The following YJU2B variants were observed in gnomAD, a reference collection of about 807,000 sequenced individuals.
The protein encoded by YJU2B is YJU2 splicing factor homolog B, also known as probable splicing factor YJU2B.
Under a neutral mutation model 38.0 loss-of-function variants are expected in YJU2B, and 18 were observed. The ratio of observed to expected loss-of-function variants is 0.47; its 90% CI spans 0.33 to 0.70. The LOEUF (loss-of-function observed/expected upper bound fraction) is 0.70, where lower values mean the gene tolerates loss of function less well. Among genes scored for constraint, YJU2B ranks in the 30% least tolerant of loss-of-function variants. The pLI, the probability that YJU2B is intolerant of heterozygous loss-of-function variation, is 0.02. For missense variants in YJU2B, 538 were observed against 556.3 expected (o/e 0.97, Z 0.33); for synonymous variants, 246 against 225.4 (o/e 1.09, Z -0.82).
At chr19:13,737,292 C>T (rs1045446177) in intron 2 of YJU2B, among the ~76,000 whole-genome samples, 1 of 152,120 alleles carries the variant, frequency 6.6e-6, no homozygotes, top group East Asian at 1.9e-4. Context: ...CCCAAAAATG[C>T]TGGGATTACA....
chr19:13,756,160 C>T, intron 3 of YJU2B, 37 bp from the exon 4 acceptor site: 2 of 1,557,840 alleles, frequency 1.3e-6, no homozygotes, highest in South Asian at 2.2e-5. Context: ...TCCTCCAGCT[C>T]AGCAGCACTA....
At chr19:13,746,618 T>A (rs189188687), upstream of YJU2B, among the ~76,000 whole-genome samples, 4 of 152,092 alleles carry the variant, frequency 2.6e-5, no homozygotes, top group East Asian at 7.7e-4. Context: ...CCAAAAAGGA[T>A]CAGAGAGGCT....
At chr19:13,755,459 CAAAAA>C (rs35675919) in intron 3 of YJU2B, among the ~76,000 whole-genome samples, 21 of 115,036 alleles carry the variant, frequency 1.8e-4, no homozygotes, top group African/African-American at 4.8e-4. Context: ...GACTCTGTCT[CAAAAA>C]AAAAAAAAAA....
chr19:13,751,641 C>A lies in YJU2B; in HGVS notation c.-168C>A. ...CTTTTTGGATGCCTCCTATGCCTGG[C>A]GGGAGTCTTGTCTGAGCTGGCACCA... On this transcript the variant is annotated 5_prime_UTR_variant, in exon 2 of 10. Transcript: ENST00000221554. 3 of 657,306 alleles carry A rather than the reference C, an allele frequency of 4.6e-6. No homozygotes were observed. Among genetic ancestry groups the A allele is most frequent in the African/African-American group, 1.8e-5 (1 of 55,130 alleles). 40.7% of individuals were successfully genotyped at this position (657,306 alleles called of 1,614,324 possible). A position where few individuals can be genotyped will look rare whatever the true frequency, so the allele number is the denominator to read the frequency against.
rs1973985890 is a variant in YJU2B, at chr19:13,763,117, C to A, written c.*49C>A. The A allele has an allele frequency of 1.4e-6, 2 of 1,449,238 alleles. No individual in the cohort carries two copies. The highest frequency in any genetic ancestry group is 1.9e-6 in the Non-Finnish European group (2 of 1,078,044). 89.8% of individuals were successfully genotyped at this position (1,449,238 alleles called of 1,614,324 possible). A position where few individuals can be genotyped will look rare whatever the true frequency, so the allele number is the denominator to read the frequency against. ...ACCCGCTCTAGAGGCCCGGACACAC[C>A]CAGGAGGCCCCTCACAGACTGCAGA... is the stretch of plus-strand genomic sequence containing the variant. On this transcript the variant is annotated 3_prime_UTR_variant, in exon 10 of 10. Transcript: ENST00000221554.
At chr19:13,733,277 G>A (rs771246051) in intron 2 of YJU2B, among the ~76,000 whole-genome samples, 1 of 151,932 alleles carries the variant, frequency 6.6e-6, no homozygotes, top group Non-Finnish European at 1.5e-5. Flanking sequence ...TTAGTCAAAC[G>A]GCCCACCAAC....
At position 13,741,698 on chromosome 19, in the gene YJU2B, T is replaced by G. The variant is rs115967226; in HGVS notation, c.-202+9413T>G. The stretch of plus-strand genomic sequence containing the variant: ...GCTGCAGTGATTGCACCACTGCACT[T>G]CAGCCTGGGTGACAGTGGAGACCCT... On this transcript the variant is annotated intron_variant, in intron 2 of 10. Coordinates refer to the YJU2B transcript ENST00000586600. Among the ~76,000 whole-genome samples, 1,239 of 152,030 alleles carry G rather than the reference T, an allele frequency of 8.1e-3. 16 individuals carry two copies. The highest frequency in any genetic ancestry group is 0.029 in the African/African-American group (1,191 of 41,460).
In YJU2B at chr19:13,763,187, C is replaced by A; in HGVS notation, c.*119C>A. 1 of 756,742 alleles carries A rather than the reference C, an allele frequency of 1.3e-6. No individual in the cohort carries two copies. Among genetic ancestry groups the A allele is most frequent in the Non-Finnish European group, 2.1e-6 (1 of 481,276 alleles). 46.9% of individuals were successfully genotyped at this position (756,742 alleles called of 1,614,324 possible). On this transcript the variant is annotated 3_prime_UTR_variant, in exon 10 of 10. Coordinates refer to ENST00000221554, the MANE Select transcript of YJU2B (RefSeq NM_030818.4). ...CCCTGGGAGAGCTCAGATGCCGCAT[C>A]CTCCCCAGACCGCGCCTTCCTGCAA...
At chr19:13,743,931 C>A (rs1466251233), upstream of YJU2B, among the ~76,000 whole-genome samples, 2 of 151,476 alleles carry the variant, frequency 1.3e-5, no homozygotes, top group Non-Finnish European at 1.5e-5. Flanking sequence ...CAGTGGCTCA[C>A]GCCTGTAATC....
chr19:13,740,261 G>C (rs1285696847), intron 2 of YJU2B, among the ~76,000 whole-genome samples: 1 of 151,394 alleles, frequency 6.6e-6, no homozygotes, highest in East Asian at 1.9e-4. Flanking sequence ...CACCCAGGCC[G>C]AGTACAGTGA....
rs1232687111 is a variant in YJU2B at position 13,758,970 on chromosome 19, G to A, written c.360G>A (p.Glu120=). The A allele has an allele frequency of 1.9e-6, 3 of 1,613,756 alleles. No homozygotes were observed. The highest frequency in any genetic ancestry group is 3.3e-5 in the Admixed American group (2 of 59,926). Reference sequence around the variant, plus strand: ...TGAGTGGCGCCCAGCGCAAGGAGGAGCGCTGGGACATGGCGGACAATGAGC... The same window carrying A: ...TGAGTGGCGCCCAGCGCAAGGAGGAACGCTGGGACATGGCGGACAATGAGC... The part of the protein sequence containing the change: ...VIVSGAQRKE[E]RWDMADNEQV... Residue 120 remains glutamate, a synonymous_variant, in exon 7 of 10, where the codon GAG becomes GAA. Transcript: ENST00000221554.
chr19:13,736,940 T>C (rs1972963501), intron 2 of YJU2B, among the ~76,000 whole-genome samples: 1 of 147,754 alleles, frequency 6.8e-6, no homozygotes, highest in South Asian at 2.1e-4. Context: ...GGCAGGAGAA[T>C]GGCTTGAACC....
chr19:13,740,661 C>T (rs748698330), intron 2 of YJU2B, among the ~76,000 whole-genome samples: 28 of 152,070 alleles, frequency 1.8e-4, no homozygotes, highest in Admixed American at 5.9e-4. Context: ...CTCAGCCTCC[C>T]GAATAGCTGG....
intron 4 of YJU2B, among the ~76,000 whole-genome samples, chr19:13,756,525 C>G (rs2145151585): frequency 6.6e-6 from 1 of 152,274 alleles, no homozygotes; most frequent in Non-Finnish European, 1.5e-5. Context: ...CTAGGCTGGC[C>G]TGATCTGGGC....
intron 1 of YJU2B, 87 bp from the exon 2 acceptor site, chr19:13,751,521 C>T: frequency 2.2e-6 from 1 of 456,618 alleles, no homozygotes; most frequent in South Asian, 3.3e-5. Context: ...GGGTGCTGGA[C>T]CCGGTGGGGG....
chr19:13,743,690 C>T (rs893437070), upstream of YJU2B, among the ~76,000 whole-genome samples: 1 of 139,592 alleles, frequency 7.2e-6, no homozygotes, highest in South Asian at 2.3e-4. Context: ...GTCAGGAGTT[C>T]GAGACCAGCC....
Position 13,758,941 on chromosome 19 carries a change from A to G in YJU2B, c.331A>G (p.Ile111Val). Residue 111 changes from isoleucine to valine, a missense_variant, in exon 7 of 10, where the codon ATC (isoleucine) becomes GTC (valine). Coordinates refer to ENST00000221554, the MANE Select transcript of YJU2B (RefSeq NM_030818.4). ...QTDPANCDYV[I>V]VSGAQRKEER... ...GGACCCCGCCAACTGCGACTACGTGATCGTGAGTGGCGCCCAGCGCAAGGA... is the reference window on the plus strand; with the variant it reads ...GGACCCCGCCAACTGCGACTACGTGGTCGTGAGTGGCGCCCAGCGCAAGGA... 6.2e-7 allele frequency: 1 copy of G among 1,614,060 alleles called. No homozygotes were observed. Among genetic ancestry groups the G allele is most frequent in the Non-Finnish European group, 8.5e-7 (1 of 1,180,008 alleles).
At chr19:13,744,351 T>C (rs971329803), upstream of YJU2B, among the ~76,000 whole-genome samples, 1 of 152,178 alleles carries the variant, frequency 6.6e-6, no homozygotes, top group Non-Finnish European at 1.5e-5. Flanking sequence ...AAAAGGGACA[T>C]AAAGTTTAGT....
upstream of YJU2B, among the ~76,000 whole-genome samples, chr19:13,745,561 C>T (rs531847612): frequency 2.0e-5 from 3 of 151,536 alleles, no homozygotes; most frequent in South Asian, 6.3e-4. Flanking sequence ...GCAGGAGAAT[C>T]GCTTGATCCC....
Sources: gnomAD v4.1 joint callset for allele counts (sites outside exome capture counted in the v4.1 genomes callset) on GRCh38, gnomAD v4.1.1 for gene constraint, MANE v1.5 for transcripts, NCBI Gene and HGNC (gene_info 2026-07-23, HGNC 2026-07-21) for gene names.